The following PRKAA2 variants were observed in gnomAD, a reference collection of about 807,000 sequenced individuals.
PRKAA2 encodes the protein 5'-AMP-activated protein kinase catalytic subunit alpha-2.
Under a neutral mutation model 56.3 loss-of-function variants are expected in PRKAA2, and 40 were observed. The observed-to-expected ratio is 0.71, with a 90% CI of 0.55 to 0.92. The LOEUF (loss-of-function observed/expected upper bound fraction) is 0.92. Ranked by LOEUF, PRKAA2 falls within the 40% of genes least tolerant of loss-of-function variation. PRKAA2 has a pLI of 0.00. For synonymous variants in PRKAA2, 214 were observed against 234.2 expected (o/e 0.91, Z 0.79); for missense variants, 542 against 686.9 (o/e 0.79, Z 2.36).
At chr1:56,659,861 G>A (rs1281522609) in intron 1 of PRKAA2, among the ~76,000 whole-genome samples, 1 of 152,136 alleles carries the variant, frequency 6.6e-6, no homozygotes, top group Non-Finnish European at 1.5e-5. Context: ...TGAGCTGTGA[G>A]CGTCCTACTG....
At chr1:56,669,317 A>G (rs970527846) in intron 1 of PRKAA2, among the ~76,000 whole-genome samples, 18 of 151,942 alleles carry the variant, frequency 1.2e-4, no homozygotes, top group African/African-American at 4.4e-4. Context: ...AAATTAGCCA[A>G]GTGTGGTGGT....
chr1:56,664,889 CACAT>C (rs150949283), intron 1 of PRKAA2, among the ~76,000 whole-genome samples: 14,208 of 139,464 alleles, frequency 0.1, 900 homozygotes, highest in South Asian at 0.32. Context: ...CACACACACA[CACAT>C]ATATACATAC....
chr1:56,646,994 A>G (rs950894172), intron 1 of PRKAA2, among the ~76,000 whole-genome samples: 3 of 152,202 alleles, frequency 2.0e-5, no homozygotes, highest in Non-Finnish European at 4.4e-5. Context: ...TTTTATTGAG[A>G]AAAACGAATC....
In PRKAA2 at chr1:56,708,977, T is replaced by C. The variant is rs895677614; in HGVS notation, c.*1264T>C. 9 of 152,084 alleles carry C rather than the reference T, an allele frequency of 5.9e-5. No homozygotes were observed. The highest frequency in any genetic ancestry group is 1.3e-4 in the Non-Finnish European group (9 of 68,000). The allele number at this position is 152,084 out of a possible 1,614,324, so 9.4% of individuals were successfully genotyped here. A position where few individuals can be genotyped will look rare whatever the true frequency, so the allele number is the denominator to read the frequency against. ...TGCTTTGTGCAGGTTTTCTTTAAGA[T>C]TAAAAAAACACAAACTATAGCAGGG... On this transcript the variant is annotated 3_prime_UTR_variant, in exon 9 of 9. Coordinates refer to ENST00000371244, the MANE Select transcript of PRKAA2 (RefSeq NM_006252.4).
chr1:56,687,499 G>C (rs1369071914), intron 2 of PRKAA2, among the ~76,000 whole-genome samples: 3 of 152,150 alleles, frequency 2.0e-5, no homozygotes, highest in Non-Finnish European at 4.4e-5. Flanking sequence ...GCTGCATTGG[G>C]TGAGAAGCAA....
chr1:56,672,637 GAGTT>G (rs1193679018), intron 1 of PRKAA2, among the ~76,000 whole-genome samples: 2 of 152,120 alleles, frequency 1.3e-5, no homozygotes, highest in African/African-American at 4.8e-5. Flanking sequence ...AGCCATCTGA[GAGTT>G]AGTAGGAGAA....
chr1:56,707,082 C>T (rs1321017525), intron 8 of PRKAA2, among the ~76,000 whole-genome samples: 1 of 152,114 alleles, frequency 6.6e-6, no homozygotes, highest in African/African-American at 2.4e-5. Context: ...CTTTGCCCTC[C>T]ACCTCCCCAA....
Position 56,713,859 on chromosome 1 carries a change from A to AC in PRKAA2, c.*6146_*6147insC, listed in dbSNP as rs1644386396. 1.3e-5 allele frequency: 2 copies of AC among 151,568 alleles called. No homozygotes were observed. Among genetic ancestry groups the AC allele is most frequent in the Non-Finnish European group, 2.9e-5 (2 of 67,852 alleles). 9.4% of individuals were successfully genotyped at this position (151,568 alleles called of 1,614,324 possible). ...GAGATCCACTGTTCTAAAAAAAAAA[A>AC]AAAAAAAAAACACTAAATTGTGCCT... On this transcript the variant is annotated 3_prime_UTR_variant, in exon 9 of 9. Coordinates refer to ENST00000371244, the MANE Select transcript of PRKAA2 (RefSeq NM_006252.4).
chr1:56,706,861 T>A (rs2100440500), intron 8 of PRKAA2, among the ~76,000 whole-genome samples: 1 of 152,314 alleles, frequency 6.6e-6, no homozygotes, highest in South Asian at 2.1e-4. Flanking sequence ...AGGGAAGTTG[T>A]TTTAAACGAA....
At chr1:56,683,617 G>A (rs1006806867) in intron 2 of PRKAA2, among the ~76,000 whole-genome samples, 3 of 152,146 alleles carry the variant, frequency 2.0e-5, no homozygotes, top group Non-Finnish European at 2.9e-5. Context: ...TTAGTGTGTG[G>A]TGGAGGGGTG....
chr1:56,701,811 G>C (rs540895605), intron 6 of PRKAA2, among the ~76,000 whole-genome samples: 1 of 151,514 alleles, frequency 6.6e-6, no homozygotes, highest in East Asian at 2.0e-4. Context: ...GGAGAATGGC[G>C]TGAACCCAGG....
Position 56,704,138 on chromosome 1 carries a change from A to G in PRKAA2, c.956A>G (p.Gln319Arg). 6.2e-7 allele frequency: 1 copy of G among 1,614,206 alleles called. No individual in the cohort carries two copies. Among genetic ancestry groups the G allele is most frequent in the Non-Finnish European group, 8.5e-7 (1 of 1,180,026 alleles). The change falls in exon 7 of 9, where the codon CAG (glutamine) becomes CGG (arginine). Residue 319 changes from glutamine to arginine, a missense_variant. This residue lies in a region of PRKAA2 where 198 missense variants were observed against 234.0 expected (regional missense o/e 0.85). Transcript: ENST00000371244. ...TTATATAGTGGTGACCCTCAAGACC[A>G]GCTTGCAGTGGCTTATCATCTTATC... The part of the protein sequence containing the change: ...NSLYSGDPQD[Q>R]LAVAYHLIID...
chr1:56,678,897 T>C (rs1644133627), intron 2 of PRKAA2, among the ~76,000 whole-genome samples: 1 of 152,164 alleles, frequency 6.6e-6, no homozygotes, highest in Non-Finnish European at 1.5e-5. Flanking sequence ...GGTTTCACCA[T>C]GTTGGCCAGG....
chr1:56,650,531 G>T (rs932659698), intron 1 of PRKAA2, among the ~76,000 whole-genome samples: 8 of 152,108 alleles, frequency 5.3e-5, no homozygotes, highest in African/African-American at 1.9e-4. Context: ...CCTGTTGTTT[G>T]TGTTATATAA....
chr1:56,692,085 C>T (rs950340198), intron 3 of PRKAA2, among the ~76,000 whole-genome samples: 10 of 137,896 alleles, frequency 7.3e-5, no homozygotes, highest in African/African-American at 2.5e-4. Context: ...CAGGCTGGAG[C>T]GCAGTGGCAT....
intron 6 of PRKAA2, among the ~76,000 whole-genome samples, chr1:56,698,960 T>A (rs1420796853): frequency 1.3e-5 from 2 of 152,184 alleles, no homozygotes. Flanking sequence ...AATGTTATCA[T>A]AGTTAAAGTG....
intron 6 of PRKAA2, 69 bp from the exon 7 acceptor site, chr1:56,703,902 C>T (rs781255185): frequency 6.9e-7 from 1 of 1,449,752 alleles, no homozygotes; most frequent in Non-Finnish European, 9.4e-7. Context: ...TATTATATTG[C>T]CCTATGTCTA....
At chr1:56,700,139 A>G (rs857154) in intron 6 of PRKAA2, among the ~76,000 whole-genome samples, 148,357 of 152,274 alleles carry the variant, frequency 0.97, 72,289 homozygotes, top group East Asian at 1. Context: ...TGTTGCTGCT[A>G]CTTCTGTTTG....
Position 56,707,842 on chromosome 1 carries a change from A to C in PRKAA2, c.*129A>C, listed in dbSNP as rs1644342844. 26 of 867,352 alleles carry C rather than the reference A, an allele frequency of 3.0e-5. 1 individual carries two copies. In the South Asian group the frequency reaches 4.1e-4, roughly 14 times the overall value. The allele number at this position is 867,352 out of a possible 1,614,324, so 53.7% of individuals were successfully genotyped here. A position where few individuals can be genotyped will look rare whatever the true frequency, so the allele number is the denominator to read the frequency against. ...ACATGAATTATTTCCAGGGGCACACAATGCTATTGAAATTACTGAAAACAA... is the reference window on the plus strand; with the variant it reads ...ACATGAATTATTTCCAGGGGCACACCATGCTATTGAAATTACTGAAAACAA... On this transcript the variant is annotated 3_prime_UTR_variant, in exon 9 of 9. Transcript: ENST00000371244.
Sources: allele counts gnomAD v4.1 joint callset (sites outside exome capture counted in the v4.1 genomes callset), GRCh38; gene constraint gnomAD v4.1.1; regional missense constraint gnomAD v4.1.1; transcripts MANE v1.5; gene names NCBI Gene and HGNC (gene_info 2026-07-23, HGNC 2026-07-21).